SLC25A13: variants seen among roughly 807,000 people sequenced by gnomAD.
The protein encoded by SLC25A13 is electrogenic aspartate/glutamate antiporter SLC25A13, mitochondrial.
A neutral mutation model predicts 85.5 loss-of-function variants in SLC25A13; 70 were observed. The ratio of observed to expected loss-of-function variants is 0.82; its 90% confidence interval spans 0.68 to 1.00. SLC25A13 has a LOEUF of 1.00. Ranked by LOEUF, SLC25A13 falls within the 50% of genes least tolerant of loss-of-function variation. The probability of loss-of-function intolerance (pLI) is 0.00; values close to 1 mark genes in which losing one functional copy is unlikely to be tolerated. For synonymous variants in SLC25A13, 259 were observed against 288.7 expected (o/e 0.90, Z 1.04); for missense variants, 765 against 819.8 (o/e 0.93, Z 0.82).
At chr7:96,300,866 C>A (rs887939104) in intron 1 of SLC25A13, among the ~76,000 whole-genome samples, 1 of 152,146 alleles carries the variant, frequency 6.6e-6, no homozygotes, top group African/African-American at 2.4e-5. Context: ...ATAGTAATTC[C>A]ATCTATTATT....
At position 96,193,065 on chromosome 7, in the gene SLC25A13, G is replaced by A; in HGVS notation, c.587C>T (p.Thr196Ile). 6.2e-7 allele frequency: 1 copy of A among 1,613,976 alleles called. No individual in the cohort carries two copies. The highest frequency in any genetic ancestry group is 8.5e-7 in the Non-Finnish European group (1 of 1,179,982). Residue 196 changes from threonine to isoleucine, a missense_variant, in exon 6 of 18, where the codon ACT becomes ATT. Physicochemically the swap from Thr to Ile is moderately conservative, Grantham distance 89 (BLOSUM62 -1). Transcript: ENST00000265631. ...IMVTIRPHVL[T>I]PFVEECLVAA... ...TACTAGACATTCTTCTACAAAAGGA[G>A]TCAAGACATGGGGGCGGATGGTGAC... is the stretch of plus-strand genomic sequence containing the variant.
At chr7:96,134,191 C>T (rs1007207893) in intron 14 of SLC25A13, among the ~76,000 whole-genome samples, 1 of 151,636 alleles carries the variant, frequency 6.6e-6, no homozygotes, top group Non-Finnish European at 1.5e-5. Flanking sequence ...CCTGCCACCA[C>T]GCCCAGCTAG....
chr7:96,300,521 T>C (rs976787885), intron 1 of SLC25A13, among the ~76,000 whole-genome samples: 1 of 152,204 alleles, frequency 6.6e-6, no homozygotes, highest in African/African-American at 2.4e-5. Context: ...TTCTACCATG[T>C]TTACTCCTTA....
chr7:96,143,128 T>A (rs138916254), intron 14 of SLC25A13, among the ~76,000 whole-genome samples: 2 of 152,302 alleles, frequency 1.3e-5, no homozygotes, highest in African/African-American at 2.4e-5. Context: ...CTGACCATGT[T>A]TTGTACTCAA....
chr7:96,263,223 C>T (rs1471938117), intron 3 of SLC25A13, among the ~76,000 whole-genome samples: 4 of 152,084 alleles, frequency 2.6e-5, no homozygotes, highest in African/African-American at 7.2e-5. Context: ...TCAGCCTTGA[C>T]CAACAGTCCC....
Position 96,133,268 on chromosome 7 carries a change from G to A in SLC25A13, c.1453-1387C>T, listed in dbSNP as rs570857153. Among the ~76,000 whole-genome samples the A allele has an allele frequency of 2.2e-4, 34 of 152,280 alleles. 1 individual carries two copies. The South Asian group carries it at 6.8e-3, about 31-fold the overall frequency. ...TCATCTACCTCATGTACTGCCAACC[G>A]GCTCAGGCTTCTGTATCTTGTCCAC... On this transcript the variant is annotated intron_variant, in intron 14 of 17. Coordinates refer to ENST00000265631, the MANE Select transcript of SLC25A13 (RefSeq NM_014251.3).
intron 1 of SLC25A13, among the ~76,000 whole-genome samples, chr7:96,315,607 C>T (rs2117035589): frequency 6.6e-6 from 1 of 152,238 alleles, no homozygotes; most frequent in Admixed American, 6.5e-5. Context: ...CCAAGGCCAT[C>T]CAGCTCCAAC....
At chr7:96,321,897 C>G in intron 1 of SLC25A13, 45 bp downstream of exon 1, 1 of 1,522,598 alleles carries the variant, frequency 6.6e-7, no homozygotes, top group Non-Finnish European at 8.8e-7. Context: ...CACCCCCAGG[C>G]TGATCCGGCA....
chr7:96,192,998 CTG>C (rs1466279103), intron 6 of SLC25A13, 37 bp downstream of exon 6: 1 of 1,605,232 alleles, frequency 6.2e-7, no homozygotes, highest in South Asian at 1.1e-5. Context: ...TCCTTATTTA[CTG>C]AGTTAAACCA....
At chr7:96,301,258 T>G (rs1799538932) in intron 1 of SLC25A13, among the ~76,000 whole-genome samples, 1 of 152,206 alleles carries the variant, frequency 6.6e-6, no homozygotes, top group Non-Finnish European at 1.5e-5. Context: ...ATTCTTGGGG[T>G]TTAGAAGAGT....
At chr7:96,211,400 A>T (rs1795691266) in intron 4 of SLC25A13, among the ~76,000 whole-genome samples, 1 of 151,982 alleles carries the variant, frequency 6.6e-6, no homozygotes, top group Non-Finnish European at 1.5e-5. Context: ...ACCAATAATG[A>T]TTTGTTTGAA....
chr7:96,290,597 GAAA>G (rs756252652), intron 2 of SLC25A13, among the ~76,000 whole-genome samples: 1 of 96,428 alleles, frequency 1.0e-5, no homozygotes, highest in Non-Finnish European at 2.2e-5. Flanking sequence ...CAAGCAAATG[GAAA>G]AAAAAAAAAA....
rs115933016 is a variant in SLC25A13, at chr7:96,132,721, A to G, written c.1453-840T>C. Reference sequence around the variant, plus strand: ...ACTTTTCAACATGTAATGATTTAATACCATTTCTTTAACAGATTTCTAATA... The same window carrying G: ...ACTTTTCAACATGTAATGATTTAATGCCATTTCTTTAACAGATTTCTAATA... On this transcript the variant is annotated intron_variant, in intron 14 of 17. Transcript: ENST00000265631. Among the ~76,000 whole-genome samples, 939 of 152,336 alleles carry G rather than the reference A, an allele frequency of 6.2e-3. 12 individuals are homozygous for G. Among genetic ancestry groups the G allele is most frequent in the African/African-American group, 0.021 (888 of 41,572 alleles).
chr7:96,235,742 C>T (rs1228298016), intron 3 of SLC25A13, among the ~76,000 whole-genome samples: 2 of 152,006 alleles, frequency 1.3e-5, no homozygotes, highest in Non-Finnish European at 2.9e-5. Flanking sequence ...AAATATAGGA[C>T]CAGAGGTGGC....
chr7:96,148,402 C>T (rs140648985), intron 13 of SLC25A13, among the ~76,000 whole-genome samples: 62 of 152,264 alleles, frequency 4.1e-4, no homozygotes, highest in African/African-American at 9.9e-4. Flanking sequence ...GTTTACAGCC[C>T]GTGAGTGTTT....
chr7:96,259,686 C>T (rs1169216730), intron 3 of SLC25A13, among the ~76,000 whole-genome samples: 1 of 152,144 alleles, frequency 6.6e-6, no homozygotes, highest in East Asian at 1.9e-4. Flanking sequence ...TACCATTTGA[C>T]CTAGCAATCT....
intron 15 of SLC25A13, among the ~76,000 whole-genome samples, 153 bp from the exon 16 acceptor site, chr7:96,122,150 C>G (rs552434429): frequency 6.6e-6 from 1 of 152,220 alleles, no homozygotes; most frequent in South Asian, 2.1e-4. Context: ...GCAACCATGC[C>G]TCTCCTGTGT....
chr7:96,128,936 C>T (rs1157989110), intron 15 of SLC25A13, among the ~76,000 whole-genome samples: 1 of 137,210 alleles, frequency 7.3e-6, no homozygotes, highest in African/African-American at 3.0e-5. Flanking sequence ...TTCTGCCTTG[C>T]TTGCTCTCTC....
intron 3 of SLC25A13, among the ~76,000 whole-genome samples, chr7:96,251,717 T>A (rs578088486): frequency 1.3e-5 from 2 of 152,210 alleles, no homozygotes; most frequent in Non-Finnish European, 2.9e-5. Flanking sequence ...TTCTTTTCTA[T>A]TTTTTTGCTT....
Sources: gnomAD v4.1 joint callset for allele counts (sites outside exome capture counted in the v4.1 genomes callset) on GRCh38, gnomAD v4.1.1 for gene constraint, MANE v1.5 for transcripts, NCBI Gene and HGNC (gene_info 2026-07-23, HGNC 2026-07-21) for gene names.